The following KATNAL1 variants were observed in gnomAD, a reference collection of about 807,000 sequenced individuals.
KATNAL1 encodes the protein katanin catalytic subunit A1 like 1.
A neutral mutation model predicts 55.2 loss-of-function variants in KATNAL1; 32 were observed. That is an observed-to-expected ratio of 0.58 (90% CI 0.44 to 0.78). The LOEUF (loss-of-function observed/expected upper bound fraction) is 0.78. KATNAL1 is among the 30% of genes least tolerant of loss of function. The pLI is 0.00. For missense variants in KATNAL1, 466 were observed against 600.9 expected (o/e 0.78, Z 2.35); for synonymous variants, 193 against 193.6 (o/e 1.00, Z 0.02).
At chr13:30,229,846 T>G (rs868862525) in intron 8 of KATNAL1, among the ~76,000 whole-genome samples, 16 of 151,958 alleles carry the variant, frequency 1.1e-4, no homozygotes, top group Admixed American at 1.0e-3. Flanking sequence ...AAATTGAAAT[T>G]TAAAAATATT....
chr13:30,291,764 G>A (rs1286823548), intron 1 of KATNAL1, among the ~76,000 whole-genome samples: 1 of 152,098 alleles, frequency 6.6e-6, no homozygotes, highest in Non-Finnish European at 1.5e-5. Context: ...GGCCGGGCAC[G>A]GTGACTCATG....
At chr13:30,210,124 T>C (rs1873531924) in intron 10 of KATNAL1, among the ~76,000 whole-genome samples, 192 bp downstream of exon 10, 1 of 151,172 alleles carries the variant, frequency 6.6e-6, no homozygotes, top group Non-Finnish European at 1.5e-5. Flanking sequence ...CGACCACTGC[T>C]ATATAATTTT....
chr13:30,277,808 C>T (rs1275295854), intron 3 of KATNAL1, among the ~76,000 whole-genome samples: 3 of 151,086 alleles, frequency 2.0e-5, no homozygotes, highest in South Asian at 4.2e-4. Flanking sequence ...ACGGTGAAAC[C>T]CCGTCTCTAC....
intron 3 of KATNAL1, among the ~76,000 whole-genome samples, chr13:30,255,957 T>G (rs1238890820): frequency 1.3e-5 from 2 of 152,212 alleles, no homozygotes; most frequent in African/African-American, 2.4e-5. Flanking sequence ...TTTTATTCAT[T>G]ACTGTCCTAA....
intron 3 of KATNAL1, among the ~76,000 whole-genome samples, chr13:30,267,632 A>C (rs1362261187): frequency 6.6e-6 from 1 of 152,262 alleles, no homozygotes; most frequent in Non-Finnish European, 1.5e-5. Context: ...CTACAAAAAT[A>C]ATATGCAGTG....
chr13:30,230,987 T>C (rs1327245311), intron 7 of KATNAL1, among the ~76,000 whole-genome samples: 2 of 152,224 alleles, frequency 1.3e-5, no homozygotes, highest in Non-Finnish European at 2.9e-5. Flanking sequence ...ATTTTTAAAA[T>C]ACATATGAAA....
chr13:30,215,707 T>C (rs1404406626), intron 9 of KATNAL1, among the ~76,000 whole-genome samples: 2 of 150,374 alleles, frequency 1.3e-5, no homozygotes, highest in African/African-American at 2.5e-5. Context: ...TTCTCACTCA[T>C]AGGTGGGAAT....
intron 3 of KATNAL1, among the ~76,000 whole-genome samples, chr13:30,277,982 C>CAAAAAAAA (rs55683675): frequency 1.5e-4 from 9 of 61,306 alleles, no homozygotes; most frequent in African/African-American, 2.8e-4. Flanking sequence ...GACTCCGTCT[C>CAAAAAAAA]AAAAAAAAAA....
intron 1 of KATNAL1, among the ~76,000 whole-genome samples, chr13:30,299,790 C>G (rs1882748856): frequency 1.3e-5 from 2 of 152,160 alleles, no homozygotes; most frequent in Non-Finnish European, 2.9e-5. Context: ...AAGGAGAGTT[C>G]TAGGCTCAGA....
At chr13:30,302,451 A>AC (rs1882915919) in intron 1 of KATNAL1, among the ~76,000 whole-genome samples, 1 of 152,064 alleles carries the variant, frequency 6.6e-6, no homozygotes, top group South Asian at 2.1e-4. Context: ...GAAAAAAAAA[A>AC]CAGTCACTAC....
At chr13:30,228,939 G>T (rs1024621904) in intron 8 of KATNAL1, among the ~76,000 whole-genome samples, 1 of 152,138 alleles carries the variant, frequency 6.6e-6, no homozygotes, top group African/African-American at 2.4e-5. Flanking sequence ...TTTTTGCTAC[G>T]TTAAAGTCTT....
chr13:30,214,422 C>T (rs1163528387), intron 9 of KATNAL1, among the ~76,000 whole-genome samples: 1 of 152,160 alleles, frequency 6.6e-6, no homozygotes, highest in Non-Finnish European at 1.5e-5. Context: ...GAAAAAACTA[C>T]TTTAAAGTTC....
intron 4 of KATNAL1, among the ~76,000 whole-genome samples, chr13:30,250,705 A>G (rs964087768): frequency 6.6e-6 from 1 of 152,222 alleles, no homozygotes; most frequent in African/African-American, 2.4e-5. Flanking sequence ...AAAGTCCTTT[A>G]ACAACTTTAA....
chr13:30,295,710 T>C (rs1351095982), intron 1 of KATNAL1, among the ~76,000 whole-genome samples: 1 of 152,284 alleles, frequency 6.6e-6, no homozygotes, highest in East Asian at 1.9e-4. Flanking sequence ...GTGAACACTG[T>C]TGAAATAACA....
chr13:30,274,209 C>A (rs1210550524), intron 3 of KATNAL1, among the ~76,000 whole-genome samples: 1 of 152,216 alleles, frequency 6.6e-6, no homozygotes, highest in East Asian at 1.9e-4. Flanking sequence ...AGGAAAATAA[C>A]TGAGCCAGAG....
chr13:30,289,233 A>G (rs150908368), intron 1 of KATNAL1, among the ~76,000 whole-genome samples: 131 of 152,362 alleles, frequency 8.6e-4, no homozygotes, highest in African/African-American at 3.1e-3. Flanking sequence ...ACTCATCAAA[A>G]GCCAAGGAAA....
At chr13:30,283,845 A>AT (rs1335780948) in intron 1 of KATNAL1, 54 bp from the exon 2 acceptor site, 12 of 1,180,170 alleles carry the variant, frequency 1.0e-5, no homozygotes, top group Non-Finnish European at 8.2e-6. Flanking sequence ...ACTTTAAAAC[A>AT]TTTATTATTC....
intron 9 of KATNAL1, among the ~76,000 whole-genome samples, chr13:30,215,066 C>T (rs796334239): frequency 0.059 from 8,875 of 150,884 alleles, 349 homozygotes; most frequent in Admixed American, 0.082. Context: ...TGAACTCAAA[C>T]AAATTTACAA....
At chr13:30,260,281 A>G (rs983101323) in intron 3 of KATNAL1, among the ~76,000 whole-genome samples, 3 of 152,228 alleles carry the variant, frequency 2.0e-5, no homozygotes, top group African/African-American at 7.2e-5. Context: ...AAAAAAACAG[A>G]GCAGAAAAAC....
Sources: allele counts gnomAD v4.1 joint callset (sites outside exome capture counted in the v4.1 genomes callset), GRCh38; gene constraint gnomAD v4.1.1; transcripts MANE v1.5; gene names NCBI Gene and HGNC (gene_info 2026-07-23, HGNC 2026-07-21).